The following MACROD2 variants were observed in gnomAD, a reference collection of about 807,000 sequenced individuals.
The protein encoded by MACROD2 is mono-ADP ribosylhydrolase 2, also known as ADP-ribose glycohydrolase MACROD2.
Under a neutral mutation model 70.4 loss-of-function variants are expected in MACROD2, and 36 were observed. The observed-to-expected ratio is 0.51, with a 90% CI of 0.39 to 0.68. The LOEUF (loss-of-function observed/expected upper bound fraction) is 0.68. Among genes scored for constraint, MACROD2 ranks in the 30% least tolerant of loss-of-function variants. The pLI is 0.00. For missense variants in MACROD2, 496 were observed against 538.4 expected, an observed-to-expected ratio of 0.92 and a Z score of 0.78; for synonymous variants, 172 against 178.8, an observed-to-expected ratio of 0.96 and a Z score of 0.30.
intron 5 of MACROD2, among the ~76,000 whole-genome samples, chr20:14,759,972 G>A (rs116963724): frequency 0.017 from 2,595 of 152,198 alleles, 37 homozygotes; most frequent in Non-Finnish European, 0.024. Context: ...TAAGTGAATT[G>A]GTATTCCTGA....
intron 3 of MACROD2, among the ~76,000 whole-genome samples, chr20:14,405,066 T>C (rs2083678126): frequency 1.3e-5 from 2 of 152,176 alleles, no homozygotes; most frequent in South Asian, 4.1e-4. Context: ...TAGAGTTAAA[T>C]AATTCTAAAC....
At chr20:14,106,014 G>A (rs1027281833) in intron 3 of MACROD2, among the ~76,000 whole-genome samples, 1 of 152,178 alleles carries the variant, frequency 6.6e-6, no homozygotes, top group Non-Finnish European at 1.5e-5. Context: ...AGATGTGCTG[G>A]CTTTAGGTGT....
intron 4 of MACROD2, chr20:14,494,122 T>G (rs971828012): frequency 1.3e-5 from 2 of 152,080 alleles, no homozygotes; most frequent in African/African-American, 4.8e-5. Context: ...GTATTTTTAC[T>G]TCTAGGTTAG....
intron 7 of MACROD2, among the ~76,000 whole-genome samples, chr20:15,468,053 C>G (rs921447474): frequency 6.6e-6 from 1 of 152,174 alleles, no homozygotes; most frequent in Non-Finnish European, 1.5e-5. Flanking sequence ...TAGACCTTTA[C>G]TCTTTAGATG....
At chr20:14,223,994 G>A (rs1473211169) in intron 3 of MACROD2, among the ~76,000 whole-genome samples, 2 of 152,082 alleles carry the variant, frequency 1.3e-5, no homozygotes, top group African/African-American at 4.8e-5. Flanking sequence ...TGATCCGTTG[G>A]CAGAATTCCC....
At chr20:15,115,992 TAAAATTA>T (rs1237099345) in intron 5 of MACROD2, among the ~76,000 whole-genome samples, 3 of 152,104 alleles carry the variant, frequency 2.0e-5, no homozygotes, top group Non-Finnish European at 2.9e-5. Context: ...AACTCTAGAA[TAAAATTA>T]AAAATAAGAA....
At chr20:14,766,951 G>C (rs905499169) in intron 5 of MACROD2, among the ~76,000 whole-genome samples, 1 of 152,048 alleles carries the variant, frequency 6.6e-6, no homozygotes, top group Non-Finnish European at 1.5e-5. Flanking sequence ...CCAGTAAGCC[G>C]TTGGTATAAC....
At chr20:15,404,410 C>A (rs1237895674) in intron 6 of MACROD2, among the ~76,000 whole-genome samples, 1 of 151,974 alleles carries the variant, frequency 6.6e-6, no homozygotes, top group East Asian at 1.9e-4. Context: ...ATTAGTAAAC[C>A]AACCAATGTT....
At chr20:14,471,794 G>C (rs1279978909) in intron 3 of MACROD2, among the ~76,000 whole-genome samples, 1 of 151,466 alleles carries the variant, frequency 6.6e-6, no homozygotes, top group Non-Finnish European at 1.5e-5. Flanking sequence ...ATTATTGAGG[G>C]GTAAAACATG....
chr20:14,621,585 T>G (rs1983829563), intron 4 of MACROD2, among the ~76,000 whole-genome samples: 1 of 152,164 alleles, frequency 6.6e-6, no homozygotes, highest in African/African-American at 2.4e-5. Context: ...TGGGAAATGT[T>G]GTTGCTAAGA....
chr20:15,901,743 C>A (rs1346676441), intron 10 of MACROD2, among the ~76,000 whole-genome samples: 1 of 152,198 alleles, frequency 6.6e-6, no homozygotes, highest in Non-Finnish European at 1.5e-5. Flanking sequence ...CTCTACTTAA[C>A]TGTCTCTAAA....
chr20:16,040,347 A>G (rs1201836594), intron 15 of MACROD2, among the ~76,000 whole-genome samples: 1 of 151,936 alleles, frequency 6.6e-6, no homozygotes, highest in African/African-American at 2.4e-5. Context: ...TGGACACAGT[A>G]AGTAATCAGG....
chr20:14,412,502 A>G (rs2083760757), intron 3 of MACROD2, among the ~76,000 whole-genome samples: 1 of 152,146 alleles, frequency 6.6e-6, no homozygotes, highest in Admixed American at 6.5e-5. Flanking sequence ...GTTAGGTGAC[A>G]GAGTTGAATT....
chr20:15,336,877 C>T (rs1250089302), intron 6 of MACROD2, among the ~76,000 whole-genome samples: 3 of 151,608 alleles, frequency 2.0e-5, no homozygotes, highest in South Asian at 2.1e-4. Context: ...AGGGTGTATG[C>T]GGACTTGTTC....
At chr20:15,934,030 T>G (rs1240647466) in intron 11 of MACROD2, among the ~76,000 whole-genome samples, 1 of 152,206 alleles carries the variant, frequency 6.6e-6, no homozygotes. Flanking sequence ...CTATCCATTT[T>G]TGTACTCAGT....
At chr20:14,767,791 GT>G (rs1243840819) in intron 5 of MACROD2, among the ~76,000 whole-genome samples, 6 of 151,724 alleles carry the variant, frequency 4.0e-5, no homozygotes, top group Non-Finnish European at 8.8e-5. Flanking sequence ...CCGTCCTCTA[GT>G]CCCCCACCCC....
At chr20:15,432,577 G>A (rs1157192236) in intron 7 of MACROD2, among the ~76,000 whole-genome samples, 1 of 151,990 alleles carries the variant, frequency 6.6e-6, no homozygotes, top group Non-Finnish European at 1.5e-5. Context: ...TTGCTTAAAG[G>A]AAGTATTATG....
At chr20:14,208,714 G>T (rs571366363) in intron 3 of MACROD2, among the ~76,000 whole-genome samples, 1 of 152,072 alleles carries the variant, frequency 6.6e-6, no homozygotes, top group Non-Finnish European at 1.5e-5. Flanking sequence ...TTCCCTGTTT[G>T]TGCTGATTAG....
chr20:15,033,752 A>G (rs1321715329), intron 5 of MACROD2, among the ~76,000 whole-genome samples: 1 of 152,168 alleles, frequency 6.6e-6, no homozygotes, highest in Non-Finnish European at 1.5e-5. Context: ...AAATAAACAA[A>G]CCTGTCCATG....
Sources: allele counts gnomAD v4.1 joint callset (sites outside exome capture counted in the v4.1 genomes callset), GRCh38; gene constraint gnomAD v4.1.1; transcripts MANE v1.5; gene names NCBI Gene and HGNC (gene_info 2026-07-23, HGNC 2026-07-21).